Variants in ATP6V0E1 observed in about 807,000 individuals in gnomAD.
ATP6V0E1 encodes ATPase H+ transporting V0 subunit e1.
In ATP6V0E1, 4 loss-of-function variants were observed where a neutral mutation model predicts 11.6. That is an observed-to-expected ratio of 0.35 (90% CI 0.17 to 0.79). ATP6V0E1 has a LOEUF of 0.79. ATP6V0E1 is among the 30% of genes least tolerant of loss of function. The pLI, the probability that ATP6V0E1 is intolerant of heterozygous loss-of-function variation, is 0.54. For synonymous variants in ATP6V0E1, 36 were observed against 34.8 expected (o/e 1.04, Z -0.13); for missense variants, 105 against 100.0 (o/e 1.05, Z -0.21).
intron 2 of ATP6V0E1, among the ~76,000 whole-genome samples, chr5:173,011,556 A>T (rs139133841): frequency 3.4e-4 from 51 of 152,194 alleles, no homozygotes; most frequent in African/African-American, 1.2e-3. Flanking sequence ...CCCCGCTTCC[A>T]GCTTCCCCCT....
intron 2 of ATP6V0E1, among the ~76,000 whole-genome samples, chr5:173,005,642 C>G (rs1756217898): frequency 1.3e-5 from 2 of 151,914 alleles, no homozygotes; most frequent in Admixed American, 6.6e-5. Context: ...GGTTACTTTC[C>G]TGTATCTTTT....
In ATP6V0E1 at chr5:172,983,831, G is replaced by A. The variant is rs763955601; in HGVS notation, c.-30G>A. Reference sequence around the variant, plus strand: ...CCTGGTGGGATCCGAGTGAGGCGACGGGGTAGGGGTTGGCGCTCAGGCGGC... The same window carrying A: ...CCTGGTGGGATCCGAGTGAGGCGACAGGGTAGGGGTTGGCGCTCAGGCGGC... On this transcript the variant is annotated 5_prime_UTR_variant, in exon 1 of 4. Coordinates refer to ENST00000519374, the MANE Select transcript of ATP6V0E1 (RefSeq NM_003945.4). 1.9e-6 allele frequency: 3 copies of A among 1,604,054 alleles called. No homozygotes were observed. Among genetic ancestry groups the A allele is most frequent in the Admixed American group, 1.7e-5 (1 of 60,008 alleles).
chr5:173,025,504 CTTTTTTTTTTTTT>C (rs60822937), intron 3 of ATP6V0E1, among the ~76,000 whole-genome samples: 13 of 65,570 alleles, frequency 2.0e-4, no homozygotes, highest in Non-Finnish European at 3.0e-4. Flanking sequence ...ATATAAAATA[CTTTTTTTTTTTTT>C]TTTTTTTTTT....
intron 3 of ATP6V0E1, among the ~76,000 whole-genome samples, chr5:173,021,389 T>A (rs484480): frequency 6.6e-6 from 1 of 151,962 alleles, no homozygotes; most frequent in Non-Finnish European, 1.5e-5. Flanking sequence ...TGAAAGGCAG[T>A]TCTTACATGG....
intron 3 of ATP6V0E1, among the ~76,000 whole-genome samples, chr5:173,032,043 A>G (rs541707271): frequency 2.9e-4 from 44 of 151,884 alleles, no homozygotes; most frequent in South Asian, 1.2e-3. Flanking sequence ...AGTCCTAGCT[A>G]CTTGGGAGGC....
intron 2 of ATP6V0E1, among the ~76,000 whole-genome samples, chr5:173,014,356 G>A (rs979465349): frequency 8.6e-5 from 13 of 152,046 alleles, no homozygotes; most frequent in Non-Finnish European, 1.9e-4. Flanking sequence ...CAGCATTCCC[G>A]CTACTGGGTA....
chr5:173,005,899 T>C (rs1354965099), intron 2 of ATP6V0E1, among the ~76,000 whole-genome samples: 1 of 152,230 alleles, frequency 6.6e-6, no homozygotes, highest in Non-Finnish European at 1.5e-5. Flanking sequence ...AAATATCTGG[T>C]GCTGTTCCAG....
At chr5:173,017,664 A>T (rs1169620518) in intron 2 of ATP6V0E1, among the ~76,000 whole-genome samples, 1 of 152,008 alleles carries the variant, frequency 6.6e-6, no homozygotes, top group Non-Finnish European at 1.5e-5. Context: ...AACATAGTGA[A>T]ACCTCTTCTC....
At chr5:173,027,114 G>A (rs1756572852) in intron 3 of ATP6V0E1, among the ~76,000 whole-genome samples, 1 of 146,350 alleles carries the variant, frequency 6.8e-6, no homozygotes. Flanking sequence ...GGGAGGCGGA[G>A]CTTGCAGTTA....
chr5:173,011,644 G>C (rs1756327377), intron 2 of ATP6V0E1, among the ~76,000 whole-genome samples: 2 of 152,146 alleles, frequency 1.3e-5, no homozygotes, highest in Middle Eastern at 3.4e-3. Flanking sequence ...ACTTAGACTT[G>C]ATCTCAGATC....
chr5:173,003,770 G>C (rs1454346525), intron 2 of ATP6V0E1, among the ~76,000 whole-genome samples: 1 of 152,226 alleles, frequency 6.6e-6, no homozygotes, highest in Non-Finnish European at 1.5e-5. Context: ...TGAATTTGAA[G>C]AGAGATTCAA....
chr5:173,020,923 G>C (rs1427439780), intron 3 of ATP6V0E1: 2 of 519,750 alleles, frequency 3.8e-6, no homozygotes, highest in African/African-American at 1.9e-5. Flanking sequence ...TCTGGGAGCA[G>C]ACAGAGAAAA....
At chr5:173,020,488 C>T (rs113119277) in intron 3 of ATP6V0E1, 121 bp downstream of exon 3, 2 of 616,654 alleles carry the variant, frequency 3.2e-6, no homozygotes, top group South Asian at 3.9e-5. Context: ...AATGCAAACA[C>T]GATCTGAAGA....
In ATP6V0E1 at chr5:173,034,570, G is replaced by C. The variant is rs73806203; in HGVS notation, c.*208G>C. ...CCTTTTTTGCACTTTGGTGAATTAC[G>C]TGCCTCCATAACCTGAACTGTGCCG... On this transcript the variant is annotated 3_prime_UTR_variant, in exon 4 of 4. Transcript: ENST00000519374. 2.0e-5 allele frequency: 13 copies of C among 664,928 alleles called. No homozygotes were observed. The East Asian group carries it at 3.3e-4, about 17-fold the overall frequency. 41.2% of individuals were successfully genotyped at this position (664,928 alleles called of 1,614,324 possible).
chr5:173,024,351 A>AT (rs1756525377), intron 3 of ATP6V0E1, among the ~76,000 whole-genome samples: 1 of 150,516 alleles, frequency 6.6e-6, no homozygotes, highest in South Asian at 2.1e-4. Flanking sequence ...AAATAATTAT[A>AT]TTTTTTACCC....
intron 2 of ATP6V0E1, among the ~76,000 whole-genome samples, chr5:173,011,162 C>T (rs907476889): frequency 1.3e-5 from 2 of 148,218 alleles, no homozygotes; most frequent in African/African-American, 5.1e-5. Context: ...AATCCCTAGG[C>T]TGCCTGATTT....
At chr5:173,014,884 C>T (rs1366151591) in intron 2 of ATP6V0E1, among the ~76,000 whole-genome samples, 3 of 152,056 alleles carry the variant, frequency 2.0e-5, no homozygotes, top group Non-Finnish European at 2.9e-5. Flanking sequence ...TTCATACTAA[C>T]GGGAAGCGAG....
At chr5:172,985,435 T>C (rs1411687446) in intron 1 of ATP6V0E1, among the ~76,000 whole-genome samples, 1 of 152,154 alleles carries the variant, frequency 6.6e-6, no homozygotes, top group Non-Finnish European at 1.5e-5. Context: ...ACACCAGTTA[T>C]ATGGGGTCAT....
intron 2 of ATP6V0E1, among the ~76,000 whole-genome samples, chr5:173,019,564 A>C (rs187306595): frequency 3.6e-4 from 55 of 152,238 alleles, no homozygotes; most frequent in East Asian, 1.4e-3. Flanking sequence ...AAAAAAAAAA[A>C]AACCCTGAAG....
Sources: allele counts gnomAD v4.1 joint callset (sites outside exome capture counted in the v4.1 genomes callset), GRCh38; gene constraint gnomAD v4.1.1; transcripts MANE v1.5; gene names NCBI Gene and HGNC (gene_info 2026-07-23, HGNC 2026-07-21).